Variants in GALNT13 observed in about 807,000 individuals in gnomAD.
GALNT13 encodes the protein polypeptide N-acetylgalactosaminyltransferase 13.
In GALNT13, 28 loss-of-function variants were observed where a neutral mutation model predicts 64.2. That is an observed-to-expected ratio of 0.44 (90% CI 0.32 to 0.60). The LOEUF is 0.60. GALNT13 is among the 20% of genes least tolerant of loss of function. GALNT13 has a pLI of 0.05. For synonymous variants in GALNT13, 214 were observed against 224.6 expected (o/e 0.95, Z 0.42); for missense variants, 577 against 669.8 (o/e 0.86, Z 1.53).
chr2:153,782,530 T>C, the GALNT13 span, among the ~76,000 whole-genome samples: 3 of 152,308 alleles, frequency 2.0e-5, no homozygotes, highest in African/African-American at 7.2e-5. Context: ...GCTTATGTGG[T>C]CTGTTGTTGA....
chr2:153,630,797 ATATATATATATTT>A, the GALNT13 span, among the ~76,000 whole-genome samples: 95 of 16,418 alleles, frequency 5.8e-3, no homozygotes, highest in African/African-American at 0.015. Flanking sequence ...ATATATATAT[ATATATATATATTT>A]TTTTTTTTTT....
chr2:154,203,288 C>T (rs1287311152), intron 4 of GALNT13, among the ~76,000 whole-genome samples: 1 of 152,096 alleles, frequency 6.6e-6, no homozygotes, highest in African/African-American at 2.4e-5. Context: ...ATTCTCTTTT[C>T]ATGTTTAACA....
At chr2:153,137,439 AACCTGAACCT>A in the GALNT13 span, among the ~76,000 whole-genome samples, 1 of 152,030 alleles carries the variant, frequency 6.6e-6, no homozygotes, top group African/African-American at 2.4e-5. Flanking sequence ...TCCTCAAGTG[AACCTGAACCT>A]GAACCTGGTA....
chr2:153,825,627 TG>T, the GALNT13 span, among the ~76,000 whole-genome samples: 1 of 150,974 alleles, frequency 6.6e-6, no homozygotes. Flanking sequence ...TGTGTGTGTG[TG>T]TGTGTGTGTG....
chr2:154,041,377 G>A (rs916143506), intron 3 of GALNT13, among the ~76,000 whole-genome samples: 2 of 140,270 alleles, frequency 1.4e-5, no homozygotes, highest in Non-Finnish European at 3.3e-5. Context: ...AAAATCTCTT[G>A]AGAGTTTTGA....
the GALNT13 span, among the ~76,000 whole-genome samples, chr2:153,333,025 A>G: frequency 1.3e-5 from 2 of 152,086 alleles, no homozygotes; most frequent in African/African-American, 4.8e-5. Context: ...TAGTGCTAAG[A>G]CGCTTTCCAC....
chr2:154,455,048 ACAC>A (rs986008529), downstream of GALNT13, among the ~76,000 whole-genome samples: 3 of 152,174 alleles, frequency 2.0e-5, no homozygotes, highest in African/African-American at 7.2e-5. Flanking sequence ...ACTCTGGTAA[ACAC>A]AATCCATAAA....
the GALNT13 span, among the ~76,000 whole-genome samples, chr2:153,546,866 T>A: frequency 1.3e-5 from 2 of 152,360 alleles, no homozygotes; most frequent in African/African-American, 4.8e-5. Context: ...CTCTGTCTAA[T>A]TCTGACAATT....
At chr2:153,475,276 A>G in the GALNT13 span, among the ~76,000 whole-genome samples, 10 of 152,234 alleles carry the variant, frequency 6.6e-5, no homozygotes, top group African/African-American at 2.4e-4. Context: ...CTCCAGGGCT[A>G]TGTGCATTGC....
At chr2:153,846,028 C>A in the GALNT13 span, among the ~76,000 whole-genome samples, 1 of 152,260 alleles carries the variant, frequency 6.6e-6, no homozygotes. Flanking sequence ...AATGTGAAGT[C>A]TTTTCCAGAC....
At chr2:153,587,706 A>G in the GALNT13 span, among the ~76,000 whole-genome samples, 1 of 152,196 alleles carries the variant, frequency 6.6e-6, no homozygotes, top group African/African-American at 2.4e-5. Flanking sequence ...AAACCATATC[A>G]TTCCACTGCT....
intron 4 of GALNT13, among the ~76,000 whole-genome samples, chr2:154,219,918 G>A (rs1279984642): frequency 1.3e-5 from 2 of 152,040 alleles, no homozygotes; most frequent in African/African-American, 4.8e-5. Flanking sequence ...GAGACCCTCA[G>A]CAGGGAGCAA....
At chr2:153,092,283 T>C in the GALNT13 span, among the ~76,000 whole-genome samples, 5 of 152,308 alleles carry the variant, frequency 3.3e-5, no homozygotes, top group African/African-American at 1.2e-4. Flanking sequence ...TGTGATTTCC[T>C]CCGTTTTGTT....
At chr2:153,844,757 TTAGG>T in the GALNT13 span, among the ~76,000 whole-genome samples, 2 of 152,228 alleles carry the variant, frequency 1.3e-5, no homozygotes, top group African/African-American at 4.8e-5. Context: ...ACATCTAAGC[TTAGG>T]CTGTTAGAAG....
intron 2 of GALNT13, among the ~76,000 whole-genome samples, chr2:153,918,573 C>T (rs1482948867): frequency 6.6e-6 from 1 of 152,128 alleles, no homozygotes; most frequent in Admixed American, 6.6e-5. Flanking sequence ...TACTAACTTA[C>T]CAGTGTCCCT....
intron 12 of GALNT13, among the ~76,000 whole-genome samples, chr2:154,447,287 A>T (rs1184907806): frequency 6.6e-6 from 1 of 151,958 alleles, no homozygotes; most frequent in Admixed American, 6.6e-5. Context: ...ACATTATTAA[A>T]GACTAAGATG....
chr2:153,372,111 A>G, the GALNT13 span, among the ~76,000 whole-genome samples: 1 of 152,158 alleles, frequency 6.6e-6, no homozygotes, highest in African/African-American at 2.4e-5. Flanking sequence ...GTGTTGAAAT[A>G]TGTCCAGCTG....
chr2:154,362,086 AAAG>A (rs1037769438), intron 9 of GALNT13, among the ~76,000 whole-genome samples: 149 of 147,514 alleles, frequency 1.0e-3, no homozygotes, highest in African/African-American at 3.6e-3. Context: ...AACAAAGAGT[AAAG>A]AAGGCAATGA....
the GALNT13 span, among the ~76,000 whole-genome samples, chr2:153,737,806 C>T: frequency 6.6e-6 from 1 of 151,980 alleles, no homozygotes; most frequent in Non-Finnish European, 1.5e-5. Flanking sequence ...ATAATTACCT[C>T]ATGGGTTTTT....
Sources: allele counts gnomAD v4.1 joint callset (sites outside exome capture counted in the v4.1 genomes callset), GRCh38; gene constraint gnomAD v4.1.1; transcripts MANE v1.5; gene names NCBI Gene and HGNC (gene_info 2026-07-23, HGNC 2026-07-21).